Variants in BAZ1A observed in about 807,000 individuals in gnomAD.
The protein encoded by BAZ1A is bromodomain adjacent to zinc finger domain 1A.
Under a neutral mutation model 185.2 loss-of-function variants are expected in BAZ1A, and 50 were observed. That is an observed-to-expected ratio of 0.27 (90% CI 0.22 to 0.34). BAZ1A has a LOEUF of 0.34. Ranked by LOEUF, BAZ1A falls within the 10% of genes least tolerant of loss-of-function variation. BAZ1A has a pLI of 1.00. For synonymous variants in BAZ1A, 571 were observed against 615.6 expected (o/e 0.93, Z 1.07); for missense variants, 1,356 against 1,839.9 (o/e 0.74, Z 4.81).
In BAZ1A at chr14:34,800,948, A is replaced by G. The variant is rs539723154; in HGVS notation, c.961+146T>C. On this transcript the variant is annotated intron_variant, in intron 8 of 26. Coordinates refer to ENST00000360310, the MANE Select transcript of BAZ1A (RefSeq NM_013448.3). ...TTATAAAACAAGCAAACAAACAAAT[A>G]AACAATAGTTATCTGATAGAAAAAA... The G allele has an allele frequency of 7.0e-5, 41 of 589,288 alleles. No individual in the cohort carries two copies. The African/African-American group carries it at 7.4e-4, about 11-fold the overall frequency. The allele number at this position is 589,288 out of a possible 1,614,324, so 36.5% of individuals were successfully genotyped here.
intron 5 of BAZ1A, among the ~76,000 whole-genome samples, chr14:34,809,007 C>T (rs938083972): frequency 7.2e-5 from 11 of 152,172 alleles, no homozygotes; most frequent in South Asian, 6.2e-4. Context: ...CTGTACTAAA[C>T]ATGTGCAGAC....
chr14:34,848,607 AATTAT>A (rs1163182129), intron 3 of BAZ1A, among the ~76,000 whole-genome samples: 1 of 152,142 alleles, frequency 6.6e-6, no homozygotes, highest in East Asian at 1.9e-4. Flanking sequence ...AAAAAATAAT[AATTAT>A]ATAATTTTCA....
In BAZ1A at chr14:34,874,292, C is replaced by A; in HGVS notation, c.113+200G>T. 1.8e-6 allele frequency: 1 copy of A among 553,628 alleles called. No homozygotes were observed. Among genetic ancestry groups the A allele is most frequent in the Non-Finnish European group, 3.2e-6 (1 of 315,172 alleles). The allele number at this position is 553,628 out of a possible 1,614,324, so 34.3% of individuals were successfully genotyped here. ...CCTCCGCCACTACCAACCCGCGTTCCCCACGCGCGCCGCCGCCAGTTGGCC... is the reference window on the plus strand; with the variant it reads ...CCTCCGCCACTACCAACCCGCGTTCACCACGCGCGCCGCCGCCAGTTGGCC... On this transcript the variant is annotated intron_variant, in intron 2 of 26. Transcript: ENST00000360310. The surrounding 1 kb of genome is among the most constrained non-coding windows in gnomAD (Gnocchi z 4.7).
intron 4 of BAZ1A, 42 bp downstream of exon 4, chr14:34,825,971 G>T: frequency 6.7e-7 from 1 of 1,483,430 alleles, no homozygotes; most frequent in African/African-American, 1.4e-5. Flanking sequence ...ATATCATTAG[G>T]CAATCTGCCA....
chr14:34,839,859 G>GAAAAAAAAA (rs1594892114), intron 3 of BAZ1A, among the ~76,000 whole-genome samples: 4 of 126,452 alleles, frequency 3.2e-5, no homozygotes, highest in Admixed American at 7.8e-5. Flanking sequence ...AAAAAAAAAG[G>GAAAAAAAAA]AAAAATGAGC....
chr14:34,806,712 TTAG>T (rs2138668244), intron 6 of BAZ1A, among the ~76,000 whole-genome samples: 1 of 152,228 alleles, frequency 6.6e-6, no homozygotes, highest in South Asian at 2.1e-4. Context: ...ATCTGTCTGC[TTAG>T]TATTAGCATG....
At chr14:34,785,192 C>CAA (rs565997474) in intron 14 of BAZ1A, among the ~76,000 whole-genome samples, 35 of 152,072 alleles carry the variant, frequency 2.3e-4, no homozygotes, top group Non-Finnish European at 4.6e-4. Context: ...AACTGAAGTT[C>CAA]AAATCAATAC....
chr14:34,819,564 A>G (rs966840122), intron 4 of BAZ1A, among the ~76,000 whole-genome samples: 1 of 152,184 alleles, frequency 6.6e-6, no homozygotes, highest in Non-Finnish European at 1.5e-5. Flanking sequence ...CTTTTAGTAC[A>G]TGTGCATTTA....
chr14:34,796,269 C>T (rs1003680439), intron 9 of BAZ1A, among the ~76,000 whole-genome samples: 2 of 152,014 alleles, frequency 1.3e-5, no homozygotes, highest in African/African-American at 4.8e-5. Context: ...AAGCCTTGAA[C>T]CCGGGAGGAG....
chr14:34,825,951 T>C, intron 4 of BAZ1A, 62 bp downstream of exon 4: 1 of 1,434,678 alleles, frequency 7.0e-7, no homozygotes, highest in Non-Finnish European at 9.2e-7. Context: ...AAAAAAGTTA[T>C]TTCAATGGAA....
At chr14:34,782,971 T>A in intron 16 of BAZ1A, 148 bp downstream of exon 16, 2 of 650,698 alleles carry the variant, frequency 3.1e-6, no homozygotes, top group South Asian at 3.4e-5. Flanking sequence ...AAAAATAGCC[T>A]ATTGAGTGTT....
chr14:34,781,527 C>CTT (rs35183747), intron 16 of BAZ1A, among the ~76,000 whole-genome samples: 2 of 141,530 alleles, frequency 1.4e-5, no homozygotes, highest in African/African-American at 2.6e-5. Context: ...TCACTAGCTG[C>CTT]TTTTTTTTTT....
chr14:34,847,656 TG>T (rs2042535928), intron 3 of BAZ1A, among the ~76,000 whole-genome samples: 1 of 152,210 alleles, frequency 6.6e-6, no homozygotes, highest in African/African-American at 2.4e-5. Flanking sequence ...GTTTCTCGCT[TG>T]AATCTTTTAT....
intron 4 of BAZ1A, among the ~76,000 whole-genome samples, chr14:34,815,363 CA>C (rs1452634995): frequency 6.6e-6 from 1 of 152,132 alleles, no homozygotes; most frequent in African/African-American, 2.4e-5. Flanking sequence ...ATAGAAACTA[CA>C]AGGATAATAT....
chr14:34,782,988 G>A (rs1880145994), intron 16 of BAZ1A, 131 bp downstream of exon 16: 1 of 712,902 alleles, frequency 1.4e-6, no homozygotes, highest in East Asian at 2.6e-5. Flanking sequence ...TGTTTTTCTG[G>A]GAAATTATCA....
At chr14:34,819,010 A>G (rs980720152) in intron 4 of BAZ1A, among the ~76,000 whole-genome samples, 8 of 151,578 alleles carry the variant, frequency 5.3e-5, no homozygotes, top group South Asian at 2.1e-4. Flanking sequence ...GCGTGGTGGC[A>G]GGCGCCTGTA....
At chr14:34,825,717 C>G (rs1410933599) in intron 4 of BAZ1A, among the ~76,000 whole-genome samples, 2 of 152,134 alleles carry the variant, frequency 1.3e-5, no homozygotes, top group Non-Finnish European at 2.9e-5. Context: ...GCAGGCAGAT[C>G]ACCTGAGGTC....
At chr14:34,775,004 C>T (rs1879495224) in intron 18 of BAZ1A, among the ~76,000 whole-genome samples, 1 of 152,074 alleles carries the variant, frequency 6.6e-6, no homozygotes, top group African/African-American at 2.4e-5. Flanking sequence ...TACCTGAGGT[C>T]AGGAGTTTGA....
intron 25 of BAZ1A, among the ~76,000 whole-genome samples, chr14:34,756,904 T>C (rs1447181582): frequency 1.3e-5 from 2 of 152,154 alleles, no homozygotes; most frequent in Non-Finnish European, 1.5e-5. Context: ...GGCTCAGGAA[T>C]CAATGTTTTA....
Sources: allele counts gnomAD v4.1 joint callset (sites outside exome capture counted in the v4.1 genomes callset), GRCh38; gene constraint gnomAD v4.1.1; non-coding constraint Gnocchi (gnomAD v3.1); transcripts MANE v1.5; gene names NCBI Gene and HGNC (gene_info 2026-07-23, HGNC 2026-07-21).